TAFA1: variants seen among roughly 807,000 people sequenced by gnomAD.
TAFA1 encodes the protein TAFA chemokine like family member 1.
TAFA1 carries 4 observed loss-of-function variants against 18.5 expected under a neutral mutation model. That is an observed-to-expected ratio of 0.22 (90% CI 0.11 to 0.49). TAFA1 has a LOEUF of 0.49. TAFA1 is among the 20% of genes least tolerant of loss of function. The pLI is 0.98. For synonymous variants in TAFA1, 56 were observed against 55.2 expected (o/e 1.01, Z -0.06); for missense variants, 147 against 169.0 (o/e 0.87, Z 0.72).
chr3:68,144,890 C>CA (rs1370166677), intron 2 of TAFA1: 1 of 662,270 alleles, frequency 1.5e-6, no homozygotes. Context: ...ATTTCCTCAT[C>CA]AAAAAATTGG....
At chr3:68,071,137 G>A (rs767470299) in intron 2 of TAFA1, among the ~76,000 whole-genome samples, 6 of 152,212 alleles carry the variant, frequency 3.9e-5, no homozygotes, top group African/African-American at 9.7e-5. Flanking sequence ...AGACATGTCC[G>A]AGACTGAGTA....
At chr3:68,333,881 T>C (rs2068924093) in intron 2 of TAFA1, among the ~76,000 whole-genome samples, 1 of 152,220 alleles carries the variant, frequency 6.6e-6, no homozygotes, top group South Asian at 2.1e-4. Flanking sequence ...AGGATGTTAT[T>C]ATAATGAAAT....
intron 2 of TAFA1, among the ~76,000 whole-genome samples, chr3:68,396,378 C>G (rs1373189617): frequency 2.0e-5 from 3 of 152,188 alleles, no homozygotes; most frequent in Non-Finnish European, 4.4e-5. Flanking sequence ...TGTCCCTTCT[C>G]TGTCTCTACT....
At chr3:68,335,577 G>A (rs1217821148) in intron 2 of TAFA1, among the ~76,000 whole-genome samples, 2 of 151,954 alleles carry the variant, frequency 1.3e-5, no homozygotes, top group Non-Finnish European at 2.9e-5. Flanking sequence ...GGAAACAGTG[G>A]GACAAATTTT....
intron 2 of TAFA1, among the ~76,000 whole-genome samples, chr3:68,178,363 C>T (rs1440667331): frequency 6.6e-6 from 1 of 152,052 alleles, no homozygotes; most frequent in Non-Finnish European, 1.5e-5. Flanking sequence ...TGGCATAATC[C>T]CTTTCTTATT....
At chr3:68,411,427 T>C (rs1227961894) in intron 2 of TAFA1, among the ~76,000 whole-genome samples, 1 of 152,214 alleles carries the variant, frequency 6.6e-6, no homozygotes, top group Non-Finnish European at 1.5e-5. Flanking sequence ...CTTTGTTCAA[T>C]CATCTACCCA....
At chr3:68,531,770 C>T (rs2073191598) in intron 3 of TAFA1, among the ~76,000 whole-genome samples, 2 of 152,084 alleles carry the variant, frequency 1.3e-5, no homozygotes, top group Non-Finnish European at 2.9e-5. Flanking sequence ...TTTAGAGAGA[C>T]AGTTTAACAA....
intron 3 of TAFA1, among the ~76,000 whole-genome samples, chr3:68,489,178 T>C (rs558577677): frequency 6.6e-6 from 1 of 152,306 alleles, no homozygotes; most frequent in African/African-American, 2.4e-5. Flanking sequence ...TTTGTCATAA[T>C]ACCAGGATTT....
At chr3:68,483,782 A>G (rs2072282056) in intron 3 of TAFA1, among the ~76,000 whole-genome samples, 1 of 152,238 alleles carries the variant, frequency 6.6e-6, no homozygotes. Flanking sequence ...CTTTAAGAGG[A>G]TAATGCCTTT....
intron 2 of TAFA1, among the ~76,000 whole-genome samples, chr3:68,136,413 C>T (rs547754294): frequency 2.6e-5 from 4 of 152,274 alleles, no homozygotes; most frequent in Admixed American, 2.6e-4. Context: ...CACAAAAGGA[C>T]AGAGCCTTTT....
chr3:68,310,105 A>G (rs1452388907), intron 2 of TAFA1, among the ~76,000 whole-genome samples: 1 of 152,234 alleles, frequency 6.6e-6, no homozygotes, highest in Non-Finnish European at 1.5e-5. Flanking sequence ...ATATAGTAGA[A>G]TATGTAAATT....
rs1050040614 is a variant in TAFA1, at chr3:68,545,564, A to G, written c.*1061A>G. ...ATGAAAACAATTAGATTTCAAGATG[A>G]TCTATGTGACCAAATGTTGGACAGC... On this transcript the variant is annotated 3_prime_UTR_variant, in exon 5 of 5. Coordinates refer to ENST00000478136, the MANE Select transcript of TAFA1 (RefSeq NM_213609.4). 6.6e-6 allele frequency: 1 copy of G among 152,614 alleles called. No individual in the cohort carries two copies. Among genetic ancestry groups the G allele is most frequent in the African/African-American group, 2.4e-5 (1 of 41,456 alleles). 9.5% of individuals were successfully genotyped at this position (152,614 alleles called of 1,614,324 possible).
intron 3 of TAFA1, among the ~76,000 whole-genome samples, chr3:68,521,272 C>T (rs2073017731): frequency 6.6e-6 from 1 of 152,140 alleles, no homozygotes; most frequent in African/African-American, 2.4e-5. Context: ...AGACCAGAAT[C>T]GTATCATATG....
At chr3:68,274,985 G>A (rs73097378) in intron 2 of TAFA1, among the ~76,000 whole-genome samples, 357 of 152,122 alleles carry the variant, frequency 2.3e-3, no homozygotes, top group Non-Finnish European at 3.8e-3. Context: ...GGACAGTGAA[G>A]TTCATATTTC....
At chr3:68,143,985 C>CA (rs2106907470) in intron 2 of TAFA1, among the ~76,000 whole-genome samples, 2 of 141,804 alleles carry the variant, frequency 1.4e-5, no homozygotes, top group South Asian at 4.6e-4. Flanking sequence ...CTGGAGGAGT[C>CA]TTTTTTTTTT....
At chr3:68,096,561 G>A (rs776364867) in intron 2 of TAFA1, among the ~76,000 whole-genome samples, 50 of 152,202 alleles carry the variant, frequency 3.3e-4, no homozygotes, top group Middle Eastern at 6.8e-3. Flanking sequence ...TAAGGTAGGA[G>A]CATTAGCTAC....
chr3:68,165,174 C>T (rs1469548160), intron 2 of TAFA1, among the ~76,000 whole-genome samples: 2 of 152,318 alleles, frequency 1.3e-5, no homozygotes, highest in African/African-American at 2.4e-5. Flanking sequence ...TAGAATCTCA[C>T]CTTCTATCTG....
intron 3 of TAFA1, among the ~76,000 whole-genome samples, chr3:68,526,749 A>G (rs2106763815): frequency 6.6e-6 from 1 of 152,236 alleles, no homozygotes; most frequent in Middle Eastern, 3.4e-3. Flanking sequence ...TAAGAAAAAT[A>G]CCAAAGTGTA....
intron 3 of TAFA1, 137 bp downstream of exon 3, chr3:68,417,557 C>T (rs1009667906): frequency 2.4e-5 from 19 of 792,090 alleles, no homozygotes; most frequent in Admixed American, 2.3e-4. Flanking sequence ...CAATTGCCAG[C>T]CTCAGCAGAG....
Sources: allele counts gnomAD v4.1 joint callset (sites outside exome capture counted in the v4.1 genomes callset), GRCh38; gene constraint gnomAD v4.1.1; transcripts MANE v1.5; gene names NCBI Gene and HGNC (gene_info 2026-07-23, HGNC 2026-07-21).